Variants in FBXO11 observed in about 807,000 individuals in gnomAD.
FBXO11 encodes F-box only protein 11.
A neutral mutation model predicts 117.0 loss-of-function variants in FBXO11; 13 were observed. The observed-to-expected ratio is 0.11, with a 90% CI of 0.07 to 0.18. FBXO11 has a LOEUF of 0.18. Among genes scored for constraint, FBXO11 ranks in the 10% least tolerant of loss-of-function variants. The pLI is 1.00. For synonymous variants in FBXO11, 490 were observed against 380.5 expected, an observed-to-expected ratio of 1.29 and a Z score of -3.35; for missense variants, 767 against 1,164.4, an observed-to-expected ratio of 0.66 and a Z score of 4.97.
At chr2:47,887,216 T>G (rs1489397890) in intron 1 of FBXO11, among the ~76,000 whole-genome samples, 1 of 137,056 alleles carries the variant, frequency 7.3e-6, no homozygotes. Context: ...GCCCAGGAGG[T>G]GGAGGTTGCG....
intron 1 of FBXO11, among the ~76,000 whole-genome samples, chr2:47,895,983 C>A (rs1397150563): frequency 2.0e-5 from 3 of 152,218 alleles, no homozygotes; most frequent in Non-Finnish European, 4.4e-5. Context: ...GCATGAGCCA[C>A]CATGCCCAGC....
intron 1 of FBXO11, chr2:47,866,010 G>A (rs1675165215): frequency 6.6e-6 from 1 of 152,144 alleles, no homozygotes; most frequent in Non-Finnish European, 1.5e-5. Flanking sequence ...CAGCACGTTG[G>A]GAGGCTGAGG....
In FBXO11 at chr2:47,835,917, T is replaced by C. The variant is rs1672526554; in HGVS notation, c.672A>G (p.Glu224=). 4.3e-6 allele frequency: 7 copies of C among 1,611,910 alleles called. No individual in the cohort carries two copies. The highest frequency in any genetic ancestry group is 5.1e-6 in the Non-Finnish European group (6 of 1,178,214). The change falls in exon 5 of 23, where the codon GAA becomes GAG. Residue 224 remains glutamate (E), a synonymous_variant. Coordinates refer to ENST00000403359, the MANE Select transcript of FBXO11 (RefSeq NM_001190274.2). The part of the protein sequence containing the change: ...EPGKFYQINP[E]EYEHPNPWKE... ...TCCAGGGATTTGGATGTTCATACTC[T>C]TCTGGATTAATCTGGTAGAATTTTC...
intron 1 of FBXO11, 55 bp downstream of exon 1, chr2:47,905,434 C>A: frequency 8.4e-7 from 1 of 1,191,044 alleles, no homozygotes; most frequent in South Asian, 3.9e-5. Flanking sequence ...CCGCCCCGGC[C>A]TCCCTTCCCG....
chr2:47,903,444 A>G (rs1282988148), intron 1 of FBXO11, among the ~76,000 whole-genome samples: 1 of 152,240 alleles, frequency 6.6e-6, no homozygotes, highest in African/African-American at 2.4e-5. Context: ...GACATCAATG[A>G]GAAGAAAATT....
intron 1 of FBXO11, among the ~76,000 whole-genome samples, chr2:47,887,964 G>C (rs1316662137): frequency 2.0e-5 from 3 of 152,042 alleles, no homozygotes; most frequent in African/African-American, 7.2e-5. Flanking sequence ...GCTGCAGAGA[G>C]TAGTGACTGT....
At chr2:47,856,613 G>T (rs769491516) in intron 1 of FBXO11, among the ~76,000 whole-genome samples, 1 of 152,188 alleles carries the variant, frequency 6.6e-6, no homozygotes, top group Non-Finnish European at 1.5e-5. Flanking sequence ...CTTTTGAGTG[G>T]CCTACGGACA....
At chr2:47,897,701 CAAAAAA>C (rs60982405) in intron 1 of FBXO11, among the ~76,000 whole-genome samples, 60 of 103,118 alleles carry the variant, frequency 5.8e-4, no homozygotes, top group East Asian at 5.3e-3. Flanking sequence ...TGTCTTAAAC[CAAAAAA>C]AAAAAAAAAA....
intron 1 of FBXO11, among the ~76,000 whole-genome samples, chr2:47,897,337 C>G (rs1013423785): frequency 1.3e-5 from 2 of 152,218 alleles, no homozygotes; most frequent in Non-Finnish European, 2.9e-5. Context: ...GTTGGTTACA[C>G]TACAGTAACA....
chr2:47,850,278 G>C (rs950038214), intron 1 of FBXO11, among the ~76,000 whole-genome samples: 2 of 152,144 alleles, frequency 1.3e-5, no homozygotes, highest in Non-Finnish European at 1.5e-5. Context: ...GAAAAAAGAT[G>C]AGTTAAGGGT....
intron 7 of FBXO11, among the ~76,000 whole-genome samples, chr2:47,833,288 G>C (rs950690685): frequency 2.6e-5 from 4 of 152,106 alleles, no homozygotes; most frequent in East Asian, 1.9e-4. Context: ...AATATAAAAT[G>C]CAACGGCATA....
chr2:47,905,209 C>T (rs1250825729), intron 1 of FBXO11: 1 of 223,404 alleles, frequency 4.5e-6, no homozygotes, highest in Admixed American at 5.7e-5. Context: ...AGCGGAGAAG[C>T]CAAAGGGATG....
intron 1 of FBXO11, among the ~76,000 whole-genome samples, chr2:47,853,547 T>TC (rs1462393765): frequency 5.3e-5 from 8 of 152,042 alleles, no homozygotes; most frequent in African/African-American, 1.4e-4. Context: ...GGATACAAGC[T>TC]CAAAAAAAAC....
intron 11 of FBXO11, among the ~76,000 whole-genome samples, chr2:47,824,778 T>C (rs889703953): frequency 3.3e-5 from 5 of 152,194 alleles, no homozygotes; most frequent in African/African-American, 1.2e-4. Flanking sequence ...TTTCTTAAAT[T>C]TCCTATATAA....
rs116070800 is a variant in FBXO11 at position 47,898,434 on chromosome 2, A to T, written c.232+7055T>A. ...CCAGTCAAAATTACCACTGAAATCT[A>T]AAACTAATTTAACGCACATTTTTCT... On this transcript the variant is annotated intron_variant, in intron 1 of 22. Transcript: ENST00000403359. Among the ~76,000 whole-genome samples, 795 of 152,348 alleles carry T rather than the reference A, an allele frequency of 5.2e-3. 1 individual carries two copies. Among genetic ancestry groups the T allele is most frequent in the Non-Finnish European group, 8.8e-3 (601 of 68,024 alleles).
chr2:47,904,096 T>C (rs1678544197), intron 1 of FBXO11, among the ~76,000 whole-genome samples: 1 of 152,238 alleles, frequency 6.6e-6, no homozygotes, highest in Non-Finnish European at 1.5e-5. Context: ...TCTCCCTCCT[T>C]CATTTGTTAA....
intron 11 of FBXO11, among the ~76,000 whole-genome samples, chr2:47,830,972 T>A (rs936361596): frequency 6.6e-6 from 1 of 152,036 alleles, no homozygotes; most frequent in Admixed American, 6.5e-5. Context: ...CTAATTTTTG[T>A]ATTTTTTGTA....
At chr2:47,832,303 A>C (rs1398174158) in intron 11 of FBXO11, 46 bp downstream of exon 11, 2 of 1,501,660 alleles carry the variant, frequency 1.3e-6, no homozygotes, top group Non-Finnish European at 1.8e-6. Context: ...CTTGGAATTT[A>C]ACTGATACAG....
chr2:47,857,497 A>C (rs138602943), intron 1 of FBXO11, among the ~76,000 whole-genome samples: 39 of 152,300 alleles, frequency 2.6e-4, no homozygotes, highest in Admixed American at 9.2e-4. Context: ...ACAAGTAAAG[A>C]CTACAAATAT....
Sources: gnomAD v4.1 joint callset for allele counts (sites outside exome capture counted in the v4.1 genomes callset) on GRCh38, gnomAD v4.1.1 for gene constraint, MANE v1.5 for transcripts, NCBI Gene and HGNC (gene_info 2026-07-23, HGNC 2026-07-21) for gene names.